SLCO2B1: variants seen among roughly 807,000 people sequenced by gnomAD.
SLCO2B1 encodes OATP-RP2.
In SLCO2B1, 41 loss-of-function variants were observed where a neutral mutation model predicts 67.3. The observed-to-expected ratio is 0.61, with a 90% confidence interval of 0.47 to 0.79. The LOEUF (loss-of-function observed/expected upper bound fraction) is 0.79, where lower values mean the gene tolerates loss of function less well. Among genes scored for constraint, SLCO2B1 ranks in the 30% least tolerant of loss-of-function variants. The probability of loss-of-function intolerance (pLI) is 0.00; values close to 1 mark genes in which losing one functional copy is unlikely to be tolerated. For missense variants in SLCO2B1, 837 were observed against 920.1 expected, an observed-to-expected ratio of 0.91 and a Z score of 1.17; for synonymous variants, 379 against 381.4, an observed-to-expected ratio of 0.99 and a Z score of 0.07.
chr11:75,169,104 C>CT, intron 4 of SLCO2B1, 69 bp from the exon 5 acceptor site: 1 of 1,280,714 alleles, frequency 7.8e-7, no homozygotes, highest in Admixed American at 2.3e-5. Flanking sequence ...AGAACAGTAC[C>CT]TTCCCCCGGG....
At chr11:75,164,838 C>G (rs966197112) in intron 3 of SLCO2B1, among the ~76,000 whole-genome samples, 1 of 152,186 alleles carries the variant, frequency 6.6e-6, no homozygotes, top group Admixed American at 6.5e-5. Flanking sequence ...AAAGTCCTTA[C>G]TTTGCTCTGG....
rs12278213 is a variant in SLCO2B1, at chr11:75,200,352, T to C, written c.1728T>C (p.Cys576=). The C allele has an allele frequency of 5.9e-4, 950 of 1,611,606 alleles. 2 individuals are homozygous for C. In the African/African-American group the frequency reaches 0.011, roughly 18 times the overall value. ...LLVSLGSALA[C]LTHTPSFMLI... ...TCAGCCTGGGCTCGGCCCTGGCCTG[T>C]CTCACCCACACACCCTCCTTCATGC... Residue 576 remains cysteine (C), a synonymous_variant, in exon 11 of 14, where the codon TGT becomes TGC. Transcript: ENST00000289575.
intron 10 of SLCO2B1, among the ~76,000 whole-genome samples, chr11:75,197,336 G>A (rs1945114984): frequency 6.6e-6 from 1 of 152,240 alleles, no homozygotes; most frequent in South Asian, 2.1e-4. Flanking sequence ...AGCCTTCATG[G>A]GAAGTGGCAT....
intron 11 of SLCO2B1, chr11:75,201,088 G>C: frequency 7.2e-6 from 1 of 139,188 alleles, no homozygotes; most frequent in South Asian, 2.3e-4. Flanking sequence ...GTGCAATGGC[G>C]CAATCTCGGC....
chr11:75,160,831 G>A (rs922476164), intron 1 of SLCO2B1, among the ~76,000 whole-genome samples: 1 of 152,194 alleles, frequency 6.6e-6, no homozygotes, highest in Non-Finnish European at 1.5e-5. Context: ...ATGAAAAGAT[G>A]CTCAATATCA....
intron 7 of SLCO2B1, among the ~76,000 whole-genome samples, chr11:75,173,863 C>T (rs1167420267): frequency 6.6e-6 from 1 of 152,040 alleles, no homozygotes; most frequent in Non-Finnish European, 1.5e-5. Context: ...ATTGCCCAGG[C>T]TAGATCTCGG....
chr11:75,157,522 T>C (rs1194934374), intron 1 of SLCO2B1, among the ~76,000 whole-genome samples: 5 of 152,108 alleles, frequency 3.3e-5, no homozygotes, highest in Non-Finnish European at 5.9e-5. Flanking sequence ...TGAATGGCGA[T>C]GTCAGGATGG....
At chr11:75,196,722 T>G in intron 10 of SLCO2B1, 43 bp downstream of exon 10, 1 of 1,576,268 alleles carries the variant, frequency 6.3e-7, no homozygotes, top group South Asian at 1.2e-5. Context: ...CTCAGGACTC[T>G]GCCTGCCCTG....
At position 75,176,748 on chromosome 11, in the gene SLCO2B1, C is replaced by T. The variant is rs115408480; in HGVS notation, c.972+4179C>T. On this transcript the variant is annotated intron_variant, in intron 7 of 13. Transcript: ENST00000289575. ...GCTGGTCTGTAGGGATTTGCCCAGC[C>T]AGGAGGCCTCCATTTCCCTGGGACT... Among the ~76,000 whole-genome samples the T allele has an allele frequency of 4.2e-3, 641 of 152,314 alleles. 2 individuals carry two copies. Among genetic ancestry groups the T allele is most frequent in the African/African-American group, 0.015 (607 of 41,580 alleles).
chr11:75,193,565 C>A lies in SLCO2B1; in HGVS notation c.1423C>A (p.His475Asn). The change falls in exon 9 of 14, where the codon CAC becomes AAC. Residue 475 changes from histidine (H) to asparagine (N), a missense_variant. By Grantham distance (68) the His-to-Asn change is moderately conservative. Transcript: ENST00000289575. The surrounding 1 kb of genome is among the most constrained non-coding windows in gnomAD (Gnocchi z 4.2). ...CSSHQIAGITHQTSAHPGLEL... is the reference protein window; with the variant it reads ...CSSHQIAGITNQTSAHPGLEL... ...CAGCCACCAGATTGCGGGCATCACA[C>A]ACCAGACCAGGTGAGTGTGTGCGTG... The A allele has an allele frequency of 6.4e-7, 1 of 1,555,316 alleles. No homozygotes were observed. The highest frequency in any genetic ancestry group is 2.3e-5 in the East Asian group (1 of 44,340).
chr11:75,205,057 G>C lies in SLCO2B1; in HGVS notation c.*477G>C. The C allele has an allele frequency of 6.5e-6, 1 of 152,878 alleles. No individual in the cohort carries two copies. The highest frequency in any genetic ancestry group is 6.5e-5 in the Admixed American group (1 of 15,312). 9.5% of individuals were successfully genotyped at this position (152,878 alleles called of 1,614,324 possible). On this transcript the variant is annotated 3_prime_UTR_variant, in exon 14 of 14. Coordinates refer to ENST00000289575, the MANE Select transcript of SLCO2B1 (RefSeq NM_007256.5). ...CTCGTTCAGCTATGACCATCTGTGC[G>C]GTCAGGGTACACTCAGCTCTCCTCC...
In SLCO2B1 at chr11:75,203,436, T is replaced by G. The variant is rs370694311; in HGVS notation, c.1949+9T>G. On this transcript the variant is annotated intron_variant, in intron 13 of 13. Transcript: ENST00000289575. Reference sequence around the variant, plus strand: ...GACCTGCTCCGAAACCGGTGAGACCTGGTTTGATGGCTTGTGGGAAGGGTG... The same window carrying G: ...GACCTGCTCCGAAACCGGTGAGACCGGGTTTGATGGCTTGTGGGAAGGGTG... 2.2e-5 allele frequency: 36 copies of G among 1,613,946 alleles called. No individual in the cohort carries two copies. The highest frequency in any genetic ancestry group is 3.1e-5 in the Non-Finnish European group (36 of 1,179,934).
At chr11:75,165,972 A>T (rs1393322497) in intron 4 of SLCO2B1, 23 bp downstream of exon 4, 5 of 1,607,536 alleles carry the variant, frequency 3.1e-6, no homozygotes, top group Non-Finnish European at 4.3e-6. Context: ...GGGGCTGGGC[A>T]GGAGTGGGAC....
chr11:75,183,975 G>A lies in SLCO2B1; in HGVS notation c.973-4161G>A, dbSNP rs552394927. Among the ~76,000 whole-genome samples the A allele has an allele frequency of 2.6e-5, 4 of 152,332 alleles. No individual in the cohort carries two copies. The East Asian group carries it at 5.8e-4, about 22-fold the overall frequency. ...GCAGGTCCCAGTGAAGATGGAGCAG[G>A]CTCATGTGTGCGTAGCTACCAGCCC... is the stretch of plus-strand genomic sequence containing the variant. On this transcript the variant is annotated intron_variant, in intron 7 of 13. Coordinates refer to ENST00000289575, the MANE Select transcript of SLCO2B1 (RefSeq NM_007256.5).
chr11:75,202,794 TG>T, intron 11 of SLCO2B1, 106 bp from the exon 12 acceptor site: 1 of 951,368 alleles, frequency 1.1e-6, no homozygotes, highest in South Asian at 1.4e-5. Flanking sequence ...AGGCTGGCTC[TG>T]GGTGGTGGGA....
chr11:75,203,987 G>A (rs540770567), intron 13 of SLCO2B1: 4 of 164,186 alleles, frequency 2.4e-5, no homozygotes, highest in Non-Finnish European at 3.9e-5. Flanking sequence ...AGGTGAGGAG[G>A]GCACAGTTTC....
At chr11:75,163,849 C>A in intron 2 of SLCO2B1, 114 bp from the exon 3 acceptor site, 1 of 1,271,462 alleles carries the variant, frequency 7.9e-7, no homozygotes. Context: ...CCCTCTGTCT[C>A]TTTCTGTGAC....
At chr11:75,171,268 T>C (rs1017818209) in intron 6 of SLCO2B1, among the ~76,000 whole-genome samples, 6 of 152,070 alleles carry the variant, frequency 3.9e-5, no homozygotes, top group African/African-American at 7.2e-5. Context: ...ATTTGGTTTT[T>C]CTTGTTTTTG....
Position 75,196,559 on chromosome 11 carries a change from C to T in SLCO2B1, c.1479C>T (p.Cys493=), listed in dbSNP as rs538582645. The T allele has an allele frequency of 3.1e-6, 5 of 1,614,124 alleles. No individual in the cohort carries two copies. The highest frequency in any genetic ancestry group is 2.2e-5 in the South Asian group (2 of 91,084). The change falls in exon 10 of 14, where the codon TGC becomes TGT. Residue 493 remains cysteine, a synonymous_variant. Coordinates refer to ENST00000289575, the MANE Select transcript of SLCO2B1 (RefSeq NM_007256.5). The part of the protein sequence containing the change: ...LELSPSCMEA[C]SCPLDGFNPV... ...TGTCTCCAAGCTGCATGGAGGCCTG[C>T]TCCTGCCCATTGGACGGCTTTAACC...
Sources: allele counts gnomAD v4.1 joint callset (sites outside exome capture counted in the v4.1 genomes callset), GRCh38; gene constraint gnomAD v4.1.1; non-coding constraint Gnocchi (gnomAD v3.1); transcripts MANE v1.5; gene names NCBI Gene and HGNC (gene_info 2026-07-23, HGNC 2026-07-21).